The following KAZN variants were observed in gnomAD, a reference collection of about 807,000 sequenced individuals.
The protein encoded by KAZN is kazrin, periplakin interacting protein.
KAZN carries 40 observed loss-of-function variants against 87.4 expected under a neutral mutation model. The observed-to-expected ratio is 0.46, with a 90% CI of 0.36 to 0.60. KAZN has a LOEUF of 0.60. KAZN is among the 20% of genes least tolerant of loss of function. The pLI, the probability that KAZN is intolerant of heterozygous loss-of-function variation, is 0.00. For synonymous variants in KAZN, 466 were observed against 458.3 expected (o/e 1.02, Z -0.22); for missense variants, 898 against 1,073.9 (o/e 0.84, Z 2.29).
intron 2 of KAZN, among the ~76,000 whole-genome samples, chr1:14,576,385 G>GTGGATGGA (rs113680816): frequency 6.6e-6 from 1 of 150,708 alleles, no homozygotes; most frequent in Non-Finnish European, 1.5e-5. Flanking sequence ...GGATGGCTGG[G>GTGGATGGA]TGGATGGATG....
At chr1:14,764,014 G>T (rs775540742) in intron 1 of KAZN, among the ~76,000 whole-genome samples, 32 of 152,294 alleles carry the variant, frequency 2.1e-4, no homozygotes, top group Non-Finnish European at 4.0e-4. Flanking sequence ...CTCCCAAAGT[G>T]CTGAGATTAC....
chr1:14,391,786 C>A (rs970866434), intron 2 of KAZN, among the ~76,000 whole-genome samples: 1 of 152,156 alleles, frequency 6.6e-6, no homozygotes, highest in Admixed American at 6.5e-5. Context: ...GTGCTGGGGG[C>A]AGGGTATTCC....
At chr1:14,264,358 C>T (rs1651312422) in intron 2 of KAZN, among the ~76,000 whole-genome samples, 2 of 152,194 alleles carry the variant, frequency 1.3e-5, no homozygotes, top group African/African-American at 4.8e-5. Flanking sequence ...CTTCCAGTCA[C>T]ATCAGCTGCT....
intron 1 of KAZN, among the ~76,000 whole-genome samples, chr1:13,920,948 A>G (rs906064564): frequency 1.2e-4 from 19 of 152,240 alleles, no homozygotes; most frequent in Non-Finnish European, 2.1e-4. Flanking sequence ...CACTTGTCAG[A>G]TGTACAGCTC....
intron 1 of KAZN, among the ~76,000 whole-genome samples, chr1:14,813,532 G>A (rs536607197): frequency 2.6e-5 from 4 of 152,296 alleles, no homozygotes; most frequent in African/African-American, 9.6e-5. Context: ...TCCCATTTGC[G>A]ACCCCTCGGT....
intron 2 of KAZN, among the ~76,000 whole-genome samples, chr1:14,217,577 C>A (rs1418672679): frequency 6.6e-6 from 1 of 151,832 alleles, no homozygotes; most frequent in Non-Finnish European, 1.5e-5. Context: ...AAAGGAGATC[C>A]AACATACGTA....
intron 2 of KAZN, among the ~76,000 whole-genome samples, chr1:14,410,382 G>T (rs971344961): frequency 6.6e-6 from 1 of 152,196 alleles, no homozygotes; most frequent in Admixed American, 6.5e-5. Context: ...GACTATAGGT[G>T]TGAGTCGCCA....
chr1:14,095,818 A>G (rs1275796431), intron 1 of KAZN, among the ~76,000 whole-genome samples: 1 of 152,196 alleles, frequency 6.6e-6, no homozygotes, highest in African/African-American at 2.4e-5. Context: ...CCTAGCCTTG[A>G]AAATCATGTT....
In KAZN at chr1:14,797,205, C is replaced by T. The variant is rs572593530; in HGVS notation, c.227-163479C>T. ...CCTCCCAAGTAGCTGGGCTTACAGG[C>T]GTGCACCACCACCCCTGGCTAATTT... On this transcript the variant is annotated intron_variant, in intron 1 of 14. Transcript: ENST00000376030. Among the ~76,000 whole-genome samples the T allele has an allele frequency of 9.9e-5, 15 of 152,160 alleles. No individual in the cohort carries two copies. In the East Asian group the frequency reaches 1.7e-3, roughly 18 times the overall value.
chr1:14,972,780 G>T (rs1665211293), intron 2 of KAZN, among the ~76,000 whole-genome samples: 1 of 152,114 alleles, frequency 6.6e-6, no homozygotes, highest in East Asian at 1.9e-4. Flanking sequence ...CTCCCAAAGT[G>T]CTGGGATTAC....
chr1:15,088,034 C>G (rs1486665605), intron 8 of KAZN, among the ~76,000 whole-genome samples: 1 of 152,208 alleles, frequency 6.6e-6, no homozygotes, highest in Non-Finnish European at 1.5e-5. Context: ...CTCCCATATT[C>G]CAGTGCCAGC....
chr1:14,120,871 A>AT (rs1342275161), intron 1 of KAZN, among the ~76,000 whole-genome samples: 4 of 152,202 alleles, frequency 2.6e-5, no homozygotes, highest in Admixed American at 2.6e-4. Context: ...AGAGCATCAT[A>AT]TTTTTTTACT....
intron 1 of KAZN, among the ~76,000 whole-genome samples, chr1:14,802,703 T>G (rs1317144803): frequency 2.0e-5 from 3 of 152,144 alleles, no homozygotes; most frequent in African/African-American, 7.2e-5. Flanking sequence ...CACCATGAGT[T>G]TACACTGGAG....
intron 2 of KAZN, among the ~76,000 whole-genome samples, chr1:14,305,803 G>T (rs12040453): frequency 2.0e-5 from 3 of 152,066 alleles, no homozygotes; most frequent in Non-Finnish European, 4.4e-5. Context: ...AAGAGGCAAG[G>T]CATTTAATCT....
Position 14,960,826 on chromosome 1 carries a change from G to C in KAZN, c.369G>C (p.Gln123His). The C allele has an allele frequency of 1.2e-6, 2 of 1,613,006 alleles. No homozygotes were observed. The highest frequency in any genetic ancestry group is 2.7e-5 in the African/African-American group (2 of 75,016). The change falls in exon 2 of 15, where the codon CAG becomes CAC. Residue 123 changes from glutamine (Q) to histidine (H), a missense_variant. This residue lies in a region of KAZN where 250 missense variants were observed against 263.0 expected (regional missense o/e 0.95). Coordinates refer to ENST00000376030, the MANE Select transcript of KAZN (RefSeq NM_201628.3). ...EVLSATELRV[Q>H]LAQKEQELAR... ...TCTCGGCCACCGAGCTCAGGGTCCA[G>C]CTGGCCCAGAAGGAGCAGGAGCTAG...
At chr1:14,493,241 C>T (rs1669774970) in intron 2 of KAZN, among the ~76,000 whole-genome samples, 1 of 152,208 alleles carries the variant, frequency 6.6e-6, no homozygotes, top group Admixed American at 6.5e-5. Flanking sequence ...CTCAATCAGA[C>T]TTTCTCTGAA....
At chr1:14,926,006 A>T (rs1398793193) in intron 1 of KAZN, among the ~76,000 whole-genome samples, 1 of 152,224 alleles carries the variant, frequency 6.6e-6, no homozygotes, top group Non-Finnish European at 1.5e-5. Flanking sequence ...CCAACTAAAG[A>T]TCTGTCATTC....
intron 2 of KAZN, among the ~76,000 whole-genome samples, chr1:14,333,133 A>G (rs182892595): frequency 6.6e-6 from 1 of 152,146 alleles, no homozygotes; most frequent in Non-Finnish European, 1.5e-5. Context: ...GAGAACATAC[A>G]GTGTTTGGTT....
intron 1 of KAZN, among the ~76,000 whole-genome samples, chr1:14,790,827 G>T (rs1380390504): frequency 6.6e-6 from 1 of 152,132 alleles, no homozygotes; most frequent in East Asian, 1.9e-4. Context: ...CGAGTAGCTG[G>T]AATGATATGC....
Sources: gnomAD v4.1 joint callset for allele counts (sites outside exome capture counted in the v4.1 genomes callset) on GRCh38, gnomAD v4.1.1 for gene constraint, gnomAD v4.1.1 regional missense constraint, MANE v1.5 for transcripts, NCBI Gene and HGNC (gene_info 2026-07-23, HGNC 2026-07-21) for gene names.